TSC22D1: variants seen among roughly 807,000 people sequenced by gnomAD.
TSC22D1 encodes TSC22 domain family member 1, also known as TSC22 domain family protein 1.
TSC22D1 carries 9 observed loss-of-function variants against 74.2 expected under a neutral mutation model. The ratio of observed to expected loss-of-function variants is 0.12; its 90% CI spans 0.07 to 0.21. The LOEUF (loss-of-function observed/expected upper bound fraction) is 0.21. Ranked by LOEUF, TSC22D1 falls within the 10% of genes least tolerant of loss-of-function variation. The pLI, the probability that TSC22D1 is intolerant of heterozygous loss-of-function variation, is 1.00. For synonymous variants in TSC22D1, 586 were observed against 492.5 expected (o/e 1.19, Z -2.51); for missense variants, 1,427 against 1,304.7 (o/e 1.09, Z -1.44).
At chr13:44,470,230 G>A (rs939839211) in intron 1 of TSC22D1, among the ~76,000 whole-genome samples, 1 of 152,146 alleles carries the variant, frequency 6.6e-6, no homozygotes, top group African/African-American at 2.4e-5. Context: ...TTTATAACAG[G>A]TTCGCAGAAC....
chr13:44,460,399 T>C (rs1277024282), intron 1 of TSC22D1, among the ~76,000 whole-genome samples: 1 of 152,230 alleles, frequency 6.6e-6, no homozygotes, highest in Non-Finnish European at 1.5e-5. Flanking sequence ...AGAATAATTA[T>C]CTGGAGAAGC....
Position 44,576,010 on chromosome 13 carries a change from A to G in TSC22D1, c.65T>C (p.Met22Thr). Residue 22 changes from methionine (M) to threonine (T), a missense_variant, in exon 1 of 3, where the codon ATG (methionine) becomes ACG (threonine). Physicochemically the swap from Met to Thr is moderately conservative, Grantham distance 81 (BLOSUM62 -1). Coordinates refer to ENST00000458659, the MANE Select transcript of TSC22D1 (RefSeq NM_183422.4). The stretch of plus-strand genomic sequence containing the variant: ...TCGAGGGAACATTGCCGGGTGCGCC[A>G]TCTTCCTAGCGCTAATGTCTGCAGC... ...AAAADISARK[M>T]AHPAMFPRRG... The G allele has an allele frequency of 2.5e-6, 4 of 1,589,936 alleles. No individual in the cohort carries two copies. The highest frequency in any genetic ancestry group is 2.6e-6 in the Non-Finnish European group (3 of 1,168,346).
chr13:44,468,990 A>C (rs564531834), intron 1 of TSC22D1, among the ~76,000 whole-genome samples: 35 of 152,208 alleles, frequency 2.3e-4, no homozygotes, highest in African/African-American at 3.4e-4. Flanking sequence ...ACACTAATTC[A>C]GATTTATATC....
Position 44,538,695 on chromosome 13 carries a change from T to G in TSC22D1, c.2912+34468A>C, listed in dbSNP as rs924273004. 6 of 985,310 alleles carry G rather than the reference T, an allele frequency of 6.1e-6. No individual in the cohort carries two copies. The Admixed American group carries it at 2.5e-4, about 40-fold the overall frequency. The allele number at this position is 985,310 out of a possible 1,614,324, so 61.0% of individuals were successfully genotyped here. ...CAGACCAAAAGTAAACCAGAGTAATTCTTAAAAGTTTATAAATGACAAGAT... is the reference window on the plus strand; with the variant it reads ...CAGACCAAAAGTAAACCAGAGTAATGCTTAAAAGTTTATAAATGACAAGAT... On this transcript the variant is annotated intron_variant, in intron 1 of 2. Coordinates refer to ENST00000458659, the MANE Select transcript of TSC22D1 (RefSeq NM_183422.4).
intron 1 of TSC22D1, among the ~76,000 whole-genome samples, chr13:44,449,320 A>T (rs12583670): frequency 0.36 from 54,455 of 152,136 alleles, 10,092 homozygotes; most frequent in Non-Finnish European, 0.41. Flanking sequence ...TGACGGACAC[A>T]TTACTTAGTG....
At chr13:44,459,045 G>A (rs1336381305) in intron 1 of TSC22D1, among the ~76,000 whole-genome samples, 1 of 152,186 alleles carries the variant, frequency 6.6e-6, no homozygotes, top group East Asian at 1.9e-4. Flanking sequence ...CCTGGGGGCT[G>A]GGCTGCCAGT....
Position 44,574,012 on chromosome 13 carries a change from T to C in TSC22D1, c.2063A>G (p.Gln688Arg), listed in dbSNP as rs1397641945. Residue 688 changes from glutamine (Q) to arginine (R), a missense_variant, in exon 1 of 3, where the codon CAG becomes CGG. Coordinates refer to ENST00000458659, the MANE Select transcript of TSC22D1 (RefSeq NM_183422.4). ...CACTGGCAGCTGGATACCCTGTGGCTGAGCCACAGGAATCACTGTTGTTCC... is the reference window on the plus strand; with the variant it reads ...CACTGGCAGCTGGATACCCTGTGGCCGAGCCACAGGAATCACTGTTGTTCC... The part of the protein sequence containing the change: ...GAGTTVIPVA[Q>R]PQGIQLPVQP... 3.1e-6 allele frequency: 5 copies of C among 1,613,932 alleles called. No individual in the cohort carries two copies. Among genetic ancestry groups the C allele is most frequent in the Admixed American group, 1.7e-5 (1 of 60,010 alleles).
chr13:44,447,425 C>T (rs966334170), intron 1 of TSC22D1, among the ~76,000 whole-genome samples: 9 of 152,130 alleles, frequency 5.9e-5, no homozygotes, highest in African/African-American at 2.2e-4. Flanking sequence ...ATTGTTCTAT[C>T]ATTATATAAA....
intron 1 of TSC22D1, among the ~76,000 whole-genome samples, chr13:44,465,305 G>T (rs9533868): frequency 6.6e-6 from 1 of 152,116 alleles, no homozygotes; most frequent in Non-Finnish European, 1.5e-5. Flanking sequence ...TACCCCCGAA[G>T]ACTTTGCCAG....
At position 44,573,408 on chromosome 13, in the gene TSC22D1, C is replaced by A; in HGVS notation, c.2667G>T (p.Gln889His). 6.2e-7 allele frequency: 1 copy of A among 1,614,224 alleles called. No individual in the cohort carries two copies. The highest frequency in any genetic ancestry group is 1.1e-5 in the South Asian group (1 of 91,086). Reference protein sequence around the residue: ...ATNTNLPLAQQIPLSSTQFSA... With the variant: ...ATNTNLPLAQHIPLSSTQFSA... ...AGAACTGGGTAGAACTTAGTGGTAT[C>A]TGTTGTGCCAAAGGCAAATTTGTAT... The change falls in exon 1 of 3, where the codon CAG becomes CAT. Residue 889 changes from glutamine to histidine, a missense_variant. By Grantham distance (24) the Gln-to-His change is conservative. Around this residue, in one of 3 missense-constraint regions of TSC22D1, gnomAD observed 1,343 missense variants for 1,191.5 expected, o/e 1.13. Transcript: ENST00000458659.
Position 44,470,681 on chromosome 13 carries a change from C to T in TSC22D1, c.2913-34586G>A, listed in dbSNP as rs111864089. Among the ~76,000 whole-genome samples the T allele has an allele frequency of 3.6e-4, 55 of 152,240 alleles. 1 individual carries two copies. Among genetic ancestry groups the T allele is most frequent in the African/African-American group, 1.2e-3 (49 of 41,554 alleles). On this transcript the variant is annotated intron_variant, in intron 1 of 2. Transcript: ENST00000458659. ...CCCAAATACCCTGTGTCACAAAAGCCGCTGGGAGAAGGCAATGTCTGCCTT... is the reference window on the plus strand; with the variant it reads ...CCCAAATACCCTGTGTCACAAAAGCTGCTGGGAGAAGGCAATGTCTGCCTT...
intron 1 of TSC22D1, among the ~76,000 whole-genome samples, chr13:44,473,257 G>A (rs1406163099): frequency 1.3e-5 from 2 of 152,194 alleles, no homozygotes; most frequent in African/African-American, 4.8e-5. Context: ...CACGTTGGGA[G>A]GCCAACGCAG....
At chr13:44,502,759 G>A (rs1039210833) in intron 1 of TSC22D1, among the ~76,000 whole-genome samples, 5 of 152,148 alleles carry the variant, frequency 3.3e-5, no homozygotes, top group South Asian at 4.1e-4. Flanking sequence ...AGTCAGTGGT[G>A]GATCCAAGAT....
intron 1 of TSC22D1, among the ~76,000 whole-genome samples, chr13:44,437,601 C>T (rs1874825536): frequency 6.6e-6 from 1 of 152,176 alleles, no homozygotes; most frequent in African/African-American, 2.4e-5. Context: ...TTAGCATCTT[C>T]TCCCTAGTAA....
chr13:44,436,550 A>C, intron 1 of TSC22D1: 1 of 1,614,226 alleles, frequency 6.2e-7, no homozygotes, highest in African/African-American at 1.3e-5. Flanking sequence ...AGCAAGGATG[A>C]CAAGAAAGAA....
At chr13:44,531,441 G>T (rs1239615673) in intron 1 of TSC22D1, among the ~76,000 whole-genome samples, 3 of 152,146 alleles carry the variant, frequency 2.0e-5, no homozygotes, top group Non-Finnish European at 4.4e-5. Context: ...CCTTGGCCAG[G>T]TCTTGTAAAC....
At position 44,527,244 on chromosome 13, in the gene TSC22D1, GA is replaced by G. The variant is rs369996656; in HGVS notation, c.2912+45918del. 1.3e-3 allele frequency among the ~76,000 whole-genome samples: 201 copies of G among 151,980 alleles called. 1 individual carries two copies. The highest frequency in any genetic ancestry group is 4.6e-3 in the African/African-American group (191 of 41,504). ...ATCTGCACAAAGGAAAAGCATTAAA[GA>G]ATAAAAGATAAAAACAAAACGTTTA... On this transcript the variant is annotated intron_variant, in intron 1 of 2. Coordinates refer to ENST00000458659, the MANE Select transcript of TSC22D1 (RefSeq NM_183422.4).
intron 1 of TSC22D1, among the ~76,000 whole-genome samples, chr13:44,480,061 T>A (rs1878106368): frequency 6.6e-6 from 1 of 151,812 alleles, no homozygotes. Context: ...ATATTAAATT[T>A]GAAAAATAGT....
chr13:44,477,583 A>G (rs1443676091), intron 1 of TSC22D1, among the ~76,000 whole-genome samples: 1 of 151,358 alleles, frequency 6.6e-6, no homozygotes, highest in African/African-American at 2.4e-5. Flanking sequence ...TCCTGAAGTG[A>G]GCCTTGCATG....
Sources: allele counts gnomAD v4.1 joint callset (sites outside exome capture counted in the v4.1 genomes callset), GRCh38; gene constraint gnomAD v4.1.1; regional missense constraint gnomAD v4.1.1; transcripts MANE v1.5; gene names NCBI Gene and HGNC (gene_info 2026-07-23, HGNC 2026-07-21).